The following NTNG1 variants were observed in gnomAD, a reference collection of about 807,000 sequenced individuals.
The protein encoded by NTNG1 is netrin G1, also known as netrin-G1.
In NTNG1, 16 loss-of-function variants were observed where a neutral mutation model predicts 54.0. That is an observed-to-expected ratio of 0.30 (90% confidence interval 0.20 to 0.45). NTNG1 has a LOEUF of 0.45. Among genes scored for constraint, NTNG1 ranks in the 20% least tolerant of loss-of-function variants. The probability of loss-of-function intolerance (pLI) is 1.00; values close to 1 mark genes in which losing one functional copy is unlikely to be tolerated. For synonymous variants in NTNG1, 255 were observed against 263.1 expected, an observed-to-expected ratio of 0.97 and a Z score of 0.30; for missense variants, 530 against 678.7, an observed-to-expected ratio of 0.78 and a Z score of 2.43.
intron 3 of NTNG1, among the ~76,000 whole-genome samples, chr1:107,338,868 G>A (rs1245719454): frequency 8.9e-6 from 1 of 112,476 alleles, no homozygotes; most frequent in Admixed American, 1.0e-4. Flanking sequence ...AAAGTAAGAA[G>A]CTTTAAAAAA....
intron 7 of NTNG1, among the ~76,000 whole-genome samples, chr1:107,443,417 A>G (rs1676102657): frequency 1.2e-5 from 1 of 81,692 alleles, no homozygotes; most frequent in Non-Finnish European, 2.8e-5. Flanking sequence ...TTTGGAGGGG[A>G]TAGGGGATTA....
Position 107,267,210 on chromosome 1 carries a change from T to A in NTNG1, c.247-57072T>A, listed in dbSNP as rs757440105. 3.3e-4 allele frequency among the ~76,000 whole-genome samples: 51 copies of A among 152,312 alleles called. No homozygotes were observed. In the Middle Eastern group the frequency reaches 0.01, roughly 30 times the overall value. On this transcript the variant is annotated intron_variant, in intron 2 of 7. Transcript: ENST00000370068. The stretch of plus-strand genomic sequence containing the variant: ...CCCACCTATATGGTTGTTATACAGA[T>A]AAATGAGATAATACATCTTAAACAC...
intron 1 of NTNG1, among the ~76,000 whole-genome samples, chr1:107,145,647 G>A (rs954503711): frequency 1.3e-5 from 2 of 152,038 alleles, no homozygotes; most frequent in African/African-American, 4.8e-5. Context: ...TAATATGTCT[G>A]TAATGTAATG....
At chr1:107,476,424 T>C (rs1256641146) in intron 7 of NTNG1, among the ~76,000 whole-genome samples, 2 of 152,220 alleles carry the variant, frequency 1.3e-5, no homozygotes, top group East Asian at 1.9e-4. Flanking sequence ...TTCCATTAAA[T>C]AGTTTTCCAA....
intron 3 of NTNG1, 152 bp from the exon 4 acceptor site, chr1:107,395,002 T>G: frequency 1.5e-6 from 1 of 670,198 alleles, no homozygotes; most frequent in Non-Finnish European, 2.6e-6. Context: ...TGGGGAAGAT[T>G]CTGAGGGCTG....
At chr1:107,323,462 A>G (rs932115823) in intron 2 of NTNG1, among the ~76,000 whole-genome samples, 1 of 152,144 alleles carries the variant, frequency 6.6e-6, no homozygotes, top group African/African-American at 2.4e-5. Context: ...AATAATAATA[A>G]CTAACATCCA....
intron 6 of NTNG1, 34 bp from the exon 7 acceptor site, chr1:107,436,631 T>G: frequency 6.2e-7 from 1 of 1,603,968 alleles, no homozygotes; most frequent in Non-Finnish European, 8.5e-7. Flanking sequence ...CATGCAGACT[T>G]GTCTCCAGCC....
chr1:107,317,586 C>T (rs1376887143), intron 2 of NTNG1, among the ~76,000 whole-genome samples: 1 of 152,134 alleles, frequency 6.6e-6, no homozygotes, highest in Non-Finnish European at 1.5e-5. Context: ...TTCTTAAAAA[C>T]TTGGTCTTCT....
At chr1:107,144,414 C>T (rs1653958404) in intron 1 of NTNG1, among the ~76,000 whole-genome samples, 1 of 152,054 alleles carries the variant, frequency 6.6e-6, no homozygotes, top group Admixed American at 6.5e-5. Flanking sequence ...TACCACCATT[C>T]CCACCTGCTA....
chr1:107,378,870 C>G (rs1014418953), intron 3 of NTNG1, among the ~76,000 whole-genome samples: 1 of 152,178 alleles, frequency 6.6e-6, no homozygotes, highest in Non-Finnish European at 1.5e-5. Flanking sequence ...ACAGTCCCCC[C>G]ACACATGAAA....
chr1:107,197,909 A>AATTG (rs769906844), intron 2 of NTNG1, among the ~76,000 whole-genome samples: 3 of 151,922 alleles, frequency 2.0e-5, no homozygotes, highest in Non-Finnish European at 4.4e-5. Flanking sequence ...CTATGCATTA[A>AATTG]ATTGGGTCAC....
chr1:107,280,363 C>G (rs539962531), intron 2 of NTNG1, among the ~76,000 whole-genome samples: 1 of 151,626 alleles, frequency 6.6e-6, no homozygotes, highest in African/African-American at 2.4e-5. Flanking sequence ...AACCTCTTCT[C>G]TCATAAGTGT....
chr1:107,214,095 A>T (rs1279271865), intron 2 of NTNG1, among the ~76,000 whole-genome samples: 1 of 152,120 alleles, frequency 6.6e-6, no homozygotes, highest in Non-Finnish European at 1.5e-5. Flanking sequence ...TCAATCTTTT[A>T]TGATCGTTGC....
intron 2 of NTNG1, among the ~76,000 whole-genome samples, chr1:107,314,232 G>A (rs894632093): frequency 7.9e-5 from 12 of 151,752 alleles, no homozygotes; most frequent in African/African-American, 1.5e-4. Flanking sequence ...GTGAAACCCC[G>A]TCTCTACTAA....
chr1:107,338,025 T>C (rs983682507), intron 3 of NTNG1, among the ~76,000 whole-genome samples: 2 of 152,034 alleles, frequency 1.3e-5, no homozygotes, highest in African/African-American at 4.8e-5. Context: ...GAGTTTTTAT[T>C]TCATACTGTA....
intron 2 of NTNG1, among the ~76,000 whole-genome samples, chr1:107,222,838 G>A (rs949743066): frequency 2.0e-5 from 3 of 149,466 alleles, no homozygotes; most frequent in African/African-American, 7.4e-5. Context: ...GAAGTGGTGG[G>A]TGAGACAACA....
chr1:107,410,252 T>C (rs761633090), intron 5 of NTNG1: 11 of 152,190 alleles, frequency 7.2e-5, no homozygotes, highest in Non-Finnish European at 1.2e-4. Context: ...ACCATCAGTT[T>C]ACATACATAT....
At chr1:107,208,839 C>T (rs1027731651) in intron 2 of NTNG1, among the ~76,000 whole-genome samples, 13 of 152,258 alleles carry the variant, frequency 8.5e-5, no homozygotes, top group East Asian at 5.8e-4. Context: ...CCTTCAACCA[C>T]GCTCACAGCT....
chr1:107,347,428 T>A (rs1669315075), intron 3 of NTNG1, among the ~76,000 whole-genome samples: 1 of 152,102 alleles, frequency 6.6e-6, no homozygotes, highest in Non-Finnish European at 1.5e-5. Context: ...GGCAGGACGA[T>A]CTTTTGAGTC....
Sources: gnomAD v4.1 joint callset for allele counts (sites outside exome capture counted in the v4.1 genomes callset) on GRCh38, gnomAD v4.1.1 for gene constraint, MANE v1.5 for transcripts, NCBI Gene and HGNC (gene_info 2026-07-23, HGNC 2026-07-21) for gene names.